The following GOLGA4 variants were observed in gnomAD, a reference collection of about 807,000 sequenced individuals.
GOLGA4 encodes golgin subfamily A member 4.
Under a neutral mutation model 265.9 loss-of-function variants are expected in GOLGA4, and 169 were observed. The ratio of observed to expected loss-of-function variants is 0.64; its 90% CI spans 0.56 to 0.72. The LOEUF (loss-of-function observed/expected upper bound fraction) is 0.72, where lower values mean the gene tolerates loss of function less well. GOLGA4 is among the 30% of genes least tolerant of loss of function. The pLI is 0.00. For missense variants in GOLGA4, 2,482 were observed against 2,483.4 expected, an observed-to-expected ratio of 1.00 and a Z score of 0.01; for synonymous variants, 923 against 855.8, an observed-to-expected ratio of 1.08 and a Z score of -1.37.
chr3:37,347,416 G>A (rs890120265), intron 21 of GOLGA4, 120 bp downstream of exon 21: 9 of 534,368 alleles, frequency 1.7e-5, no homozygotes, highest in East Asian at 3.1e-5. Context: ...GCTAATAGTA[G>A]GTAATAGATA....
At chr3:37,247,859 T>A (rs1367686197) in intron 1 of GOLGA4, among the ~76,000 whole-genome samples, 1 of 152,208 alleles carries the variant, frequency 6.6e-6, no homozygotes, top group Non-Finnish European at 1.5e-5. Context: ...CCTTGCCACG[T>A]GCCCCTGTAG....
intron 22 of GOLGA4, among the ~76,000 whole-genome samples, chr3:37,356,694 T>A (rs1459349318): frequency 1.3e-5 from 2 of 152,204 alleles, no homozygotes; most frequent in Non-Finnish European, 2.9e-5. Context: ...GTAAAATATC[T>A]TTATGAAGAT....
At chr3:37,245,508 A>G (rs933356240) in intron 1 of GOLGA4, 1 of 152,214 alleles carries the variant, frequency 6.6e-6, no homozygotes, top group Admixed American at 6.5e-5. Flanking sequence ...TAAGAAGAAT[A>G]TACTTTAAGG....
chr3:37,289,259 A>G lies in GOLGA4; in HGVS notation c.550A>G (p.Lys184Glu), dbSNP rs1358314231. 6.3e-7 allele frequency: 1 copy of G among 1,597,534 alleles called. No individual in the cohort carries two copies. Among genetic ancestry groups the G allele is most frequent in the East Asian group, 2.2e-5 (1 of 44,668 alleles). ...GGGTATATTAAGTCAGAGTCAGGAT[A>G]AATCACTTCGGAGAATAGCAGAATT... ...LQGILSQSQD[K>E]SLRRIAELRE... Residue 184 changes from lysine (K) to glutamate (E), a missense_variant, in exon 5 of 24, where the codon AAA (lysine) becomes GAA (glutamate). Transcript: ENST00000361924.
chr3:37,264,861 A>G (rs948409824), intron 2 of GOLGA4, among the ~76,000 whole-genome samples: 5 of 151,968 alleles, frequency 3.3e-5, no homozygotes, highest in African/African-American at 4.8e-5. Context: ...ATGCCTGGCA[A>G]ATTTTTTGTA....
chr3:37,290,465 A>G (rs907660242), intron 5 of GOLGA4, among the ~76,000 whole-genome samples: 3 of 152,326 alleles, frequency 2.0e-5, no homozygotes, highest in Middle Eastern at 3.4e-3. Flanking sequence ...AAGAAAGATT[A>G]TATCATTTAC....
chr3:37,281,878 A>G (rs987002680), intron 2 of GOLGA4, 80 bp from the exon 3 acceptor site: 3 of 935,390 alleles, frequency 3.2e-6, no homozygotes, highest in Middle Eastern at 2.2e-4. Flanking sequence ...AACTTTTATT[A>G]GATTATTGCT....
At chr3:37,302,055 C>T in intron 9 of GOLGA4, 130 bp from the exon 10 acceptor site, 1 of 745,028 alleles carries the variant, frequency 1.3e-6, no homozygotes, top group Non-Finnish European at 2.2e-6. Context: ...TCCCAAAGTG[C>T]TGGGATTATG....
Position 37,289,918 on chromosome 3 carries a change from A to G in GOLGA4, c.582+627A>G, listed in dbSNP as rs533317530. 2.6e-5 allele frequency among the ~76,000 whole-genome samples: 4 copies of G among 152,204 alleles called. No homozygotes were observed. In the South Asian group the frequency reaches 6.2e-4, roughly 24 times the overall value. ...TGCTATTGGTGTTTTCTCTCCACTC[A>G]TTTGTATTGTTTGTTGAAGAATATC... On this transcript the variant is annotated intron_variant, in intron 5 of 23. Transcript: ENST00000361924.
At position 37,324,187 on chromosome 3, in the gene GOLGA4, A is replaced by C; in HGVS notation, c.2301A>C (p.Glu767Asp). ...QINQLELLLKERDKHLKEHQA... is the reference protein window; with the variant it reads ...QINQLELLLKDRDKHLKEHQA... ...ATCAACTTGAGCTTCTCTTGAAGGA[A>C]AGGGACAAGCATTTGAAAGAGCATC... is the stretch of plus-strand genomic sequence containing the variant. The change falls in exon 14 of 24, where the codon GAA (glutamate) becomes GAC (aspartate). Residue 767 changes from glutamate to aspartate, a missense_variant. Glu to Asp is a conservative substitution (Grantham distance 45). Transcript: ENST00000361924. 6.2e-7 allele frequency: 1 copy of C among 1,614,144 alleles called. No homozygotes were observed. The highest frequency in any genetic ancestry group is 1.3e-5 in the African/African-American group (1 of 75,054).
intron 23 of GOLGA4, among the ~76,000 whole-genome samples, chr3:37,362,237 A>ATTTT (rs1264069172): frequency 3.7e-5 from 2 of 54,386 alleles, no homozygotes; most frequent in African/African-American, 9.8e-5. Context: ...TTATTTATTT[A>ATTTT]TTATTTTTTT....
chr3:37,251,615 C>A (rs1578337724), intron 2 of GOLGA4, 131 bp downstream of exon 2: 4 of 542,734 alleles, frequency 7.4e-6, no homozygotes, highest in African/African-American at 4.2e-5. Context: ...TTATTAGTAA[C>A]ACAATTGGTC....
At chr3:37,280,748 C>T (rs1357431183) in intron 2 of GOLGA4, among the ~76,000 whole-genome samples, 1 of 152,082 alleles carries the variant, frequency 6.6e-6, no homozygotes, top group Non-Finnish European at 1.5e-5. Context: ...GGAGTGCTCT[C>T]CATATACTAT....
chr3:37,275,215 C>CAAAAAAAAAAAAAA (rs749758741), intron 2 of GOLGA4, among the ~76,000 whole-genome samples: 5 of 44,958 alleles, frequency 1.1e-4, no homozygotes, highest in African/African-American at 1.8e-4. Context: ...GACTCCGTCT[C>CAAAAAAAAAAAAAA]AAAAAAAAAA....
intron 1 of GOLGA4, chr3:37,250,343 CCAA>C (rs1227495791): frequency 3.9e-5 from 6 of 152,142 alleles, no homozygotes; most frequent in African/African-American, 1.4e-4. Context: ...GCCAGTTGTC[CCAA>C]CATTTATTGA....
At chr3:37,355,214 A>G (rs1372106711) in intron 22 of GOLGA4, 27 bp downstream of exon 22, 1 of 1,153,062 alleles carries the variant, frequency 8.7e-7, no homozygotes, top group Non-Finnish European at 1.3e-6. Flanking sequence ...GGCTCTAGAT[A>G]GAAGATGATT....
chr3:37,319,964 A>T (rs2096950145), intron 12 of GOLGA4: 1 of 152,186 alleles, frequency 6.6e-6, no homozygotes, highest in African/African-American at 2.4e-5. Context: ...ATCTCATCAG[A>T]CTGAGTGTAC....
rs376396373 is a variant in GOLGA4 at position 37,321,898 on chromosome 3, T to A, written c.1701+12T>A. Reference sequence around the variant, plus strand: ...AGACTTACAGAACTGTAAGTTTTAATAATATTCAGATTCTGGAGTTGTGAA... The same window carrying A: ...AGACTTACAGAACTGTAAGTTTTAAAAATATTCAGATTCTGGAGTTGTGAA... On this transcript the variant is annotated intron_variant, in intron 13 of 23. Coordinates refer to ENST00000361924, the MANE Select transcript of GOLGA4 (RefSeq NM_002078.5). The A allele has an allele frequency of 1.2e-4, 184 of 1,581,240 alleles. 1 individual carries two copies. The highest frequency in any genetic ancestry group is 5.1e-4 in the Middle Eastern group (3 of 5,894).
intron 13 of GOLGA4, among the ~76,000 whole-genome samples, chr3:37,322,283 T>A (rs1359540956): frequency 6.6e-6 from 1 of 152,202 alleles, no homozygotes; most frequent in Non-Finnish European, 1.5e-5. Flanking sequence ...TCTGCTTATA[T>A]CACAGTTTAA....
Sources: gnomAD v4.1 joint callset for allele counts (sites outside exome capture counted in the v4.1 genomes callset) on GRCh38, gnomAD v4.1.1 for gene constraint, MANE v1.5 for transcripts, NCBI Gene and HGNC (gene_info 2026-07-23, HGNC 2026-07-21) for gene names.